EYS: variants seen among roughly 807,000 people sequenced by gnomAD.
EYS encodes EGF-like photoreceptor maintenance factor.
In EYS, 250 loss-of-function variants were observed where a neutral mutation model predicts 282.1. That is an observed-to-expected ratio of 0.89 (90% CI 0.80 to 0.98). The LOEUF (loss-of-function observed/expected upper bound fraction) is 0.98, where lower values mean the gene tolerates loss of function less well. Among genes scored for constraint, EYS ranks in the 50% least tolerant of loss-of-function variants. The pLI is 0.00. For synonymous variants in EYS, 1,355 were observed against 1,282.9 expected, an observed-to-expected ratio of 1.06 and a Z score of -1.20; for missense variants, 4,016 against 3,709.0, an observed-to-expected ratio of 1.08 and a Z score of -2.15.
At chr6:65,378,704 A>G (rs1765489396) in intron 8 of EYS, among the ~76,000 whole-genome samples, 1 of 152,230 alleles carries the variant, frequency 6.6e-6, no homozygotes, top group Non-Finnish European at 1.5e-5. Flanking sequence ...CTATGCATTC[A>G]TAAAAAAGGA....
chr6:63,956,560 G>C (rs1260027413), intron 35 of EYS, among the ~76,000 whole-genome samples: 1 of 152,038 alleles, frequency 6.6e-6, no homozygotes, highest in African/African-American at 2.4e-5. Flanking sequence ...TAGAACGTTT[G>C]GTGGGTATTT....
chr6:64,584,778 T>G (rs962988807), intron 26 of EYS, among the ~76,000 whole-genome samples: 1 of 152,146 alleles, frequency 6.6e-6, no homozygotes, highest in Non-Finnish European at 1.5e-5. Context: ...AGGTAAAACA[T>G]GGCTGCATAT....
At position 63,812,227 on chromosome 6, in the gene EYS, G is replaced by A. The variant is rs1308473042; in HGVS notation, c.7229-5855C>T. Among the ~76,000 whole-genome samples, 6 of 151,972 alleles carry A rather than the reference G, an allele frequency of 3.9e-5. No homozygotes were observed. The East Asian group carries it at 5.8e-4, about 15-fold the overall frequency. The stretch of plus-strand genomic sequence containing the variant: ...CTGCTGCAGCCATGCTAACTTCTTC[G>A]TGTTTCTCAAGCAAACCTAACACAC... On this transcript the variant is annotated intron_variant, in intron 36 of 42. Coordinates refer to ENST00000503581, the MANE Select transcript of EYS (RefSeq NM_001142800.2).
chr6:64,590,084 G>A, intron 26 of EYS, 139 bp downstream of exon 26: 1 of 669,998 alleles, frequency 1.5e-6, no homozygotes, highest in South Asian at 2.1e-5. Context: ...AACAGCAGGT[G>A]CCTTCTCAAT....
At chr6:64,769,970 T>C (rs1204608443) in intron 22 of EYS, among the ~76,000 whole-genome samples, 1 of 152,002 alleles carries the variant, frequency 6.6e-6, no homozygotes, top group African/African-American at 2.4e-5. Context: ...TGTAAATATA[T>C]ATAAATATAA....
intron 30 of EYS, among the ~76,000 whole-genome samples, chr6:64,284,149 G>C (rs942540521): frequency 6.6e-6 from 1 of 152,158 alleles, no homozygotes; most frequent in Non-Finnish European, 1.5e-5. Context: ...TCTGAGATAA[G>C]GCAATTCCCT....
intron 33 of EYS, among the ~76,000 whole-genome samples, chr6:64,044,727 A>AT (rs952046239): frequency 4.4e-4 from 67 of 151,612 alleles, no homozygotes; most frequent in Admixed American, 1.2e-3. Flanking sequence ...ATTTTGAGTG[A>AT]TTTTTTTTTA....
intron 30 of EYS, among the ~76,000 whole-genome samples, chr6:64,294,684 C>T (rs1184139704): frequency 6.6e-6 from 1 of 152,140 alleles, no homozygotes; most frequent in Non-Finnish European, 1.5e-5. Flanking sequence ...TGTGGTTATA[C>T]TTGCACTGAT....
chr6:64,062,329 T>C (rs1771204716), intron 33 of EYS, among the ~76,000 whole-genome samples: 1 of 152,166 alleles, frequency 6.6e-6, no homozygotes, highest in Non-Finnish European at 1.5e-5. Context: ...TGTATCTCTA[T>C]TTTCCCTGCC....
At chr6:64,347,766 G>T (rs1771464409) in intron 29 of EYS, among the ~76,000 whole-genome samples, 1 of 151,126 alleles carries the variant, frequency 6.6e-6, no homozygotes, top group Non-Finnish European at 1.5e-5. Flanking sequence ...GTGTTTATTT[G>T]TCTTTTCCTT....
intron 22 of EYS, among the ~76,000 whole-genome samples, chr6:64,761,526 G>A (rs1332179621): frequency 1.3e-5 from 2 of 152,190 alleles, no homozygotes; most frequent in East Asian, 3.9e-4. Context: ...CTGTGGCCAG[G>A]CTGGAATGCA....
intron 31 of EYS, among the ~76,000 whole-genome samples, chr6:64,198,234 C>G (rs189025830): frequency 1.3e-5 from 2 of 151,116 alleles, no homozygotes; most frequent in African/African-American, 4.9e-5. Flanking sequence ...GTCTAGATCT[C>G]CTGACCTCGT....
At chr6:63,947,389 A>C (rs371017517) in intron 35 of EYS, among the ~76,000 whole-genome samples, 3 of 152,066 alleles carry the variant, frequency 2.0e-5, no homozygotes, top group East Asian at 1.9e-4. Flanking sequence ...TAAATTAGTG[A>C]TTTTTATTAA....
At chr6:64,983,168 T>G (rs1770737913) in intron 14 of EYS, among the ~76,000 whole-genome samples, 1 of 151,220 alleles carries the variant, frequency 6.6e-6, no homozygotes, top group Non-Finnish European at 1.5e-5. Flanking sequence ...AGAGTACCAC[T>G]GAATAGGAAT....
chr6:64,401,671 T>G (rs181827212), intron 28 of EYS, among the ~76,000 whole-genome samples: 1 of 152,124 alleles, frequency 6.6e-6, no homozygotes, highest in African/African-American at 2.4e-5. Context: ...AGCTTAAAAA[T>G]ACTTATTAAA....
intron 29 of EYS, among the ~76,000 whole-genome samples, chr6:64,318,186 C>T (rs1770054979): frequency 6.6e-6 from 1 of 151,730 alleles, no homozygotes; most frequent in African/African-American, 2.4e-5. Context: ...TAAAAAAACA[C>T]CCAGAATTCT....
At chr6:65,158,967 G>A (rs1227393917) in intron 12 of EYS, among the ~76,000 whole-genome samples, 1 of 150,764 alleles carries the variant, frequency 6.6e-6, no homozygotes, top group Non-Finnish European at 1.5e-5. Context: ...TTTTAGCATT[G>A]CACTGAGAGG....
chr6:64,531,721 A>G (rs886608482), intron 26 of EYS, among the ~76,000 whole-genome samples: 2 of 151,852 alleles, frequency 1.3e-5, no homozygotes, highest in Non-Finnish European at 2.9e-5. Context: ...GTGAGCCACC[A>G]CGTCTGGCCA....
At chr6:65,596,971 C>A (rs1024793819) in intron 2 of EYS, among the ~76,000 whole-genome samples, 2 of 151,988 alleles carry the variant, frequency 1.3e-5, no homozygotes, top group Admixed American at 1.3e-4. Context: ...CTGCTTTCAA[C>A]AAAGAGAGAA....
Sources: allele counts gnomAD v4.1 joint callset (sites outside exome capture counted in the v4.1 genomes callset), GRCh38; gene constraint gnomAD v4.1.1; transcripts MANE v1.5; gene names NCBI Gene and HGNC (gene_info 2026-07-23, HGNC 2026-07-21).